PYROXD1: variants seen among roughly 807,000 people sequenced by gnomAD.
PYROXD1 encodes the protein tRNA ligase complex-associated NAD(P)H dehydrogenase PYROXD1.
Under a neutral mutation model 62.0 loss-of-function variants are expected in PYROXD1, and 42 were observed. The ratio of observed to expected loss-of-function variants is 0.68; its 90% confidence interval spans 0.53 to 0.88. The LOEUF (loss-of-function observed/expected upper bound fraction) is 0.88, where lower values mean the gene tolerates loss of function less well. Among genes scored for constraint, PYROXD1 ranks in the 40% least tolerant of loss-of-function variants. The pLI is 0.00. For synonymous variants in PYROXD1, 170 were observed against 206.4 expected, an observed-to-expected ratio of 0.82 and a Z score of 1.51; for missense variants, 493 against 604.8, an observed-to-expected ratio of 0.82 and a Z score of 1.94.
intron 7 of PYROXD1, among the ~76,000 whole-genome samples, chr12:21,460,740 A>G (rs1565553098): frequency 6.6e-6 from 1 of 152,154 alleles, no homozygotes; most frequent in African/African-American, 2.4e-5. Context: ...TGTAATTTTT[A>G]AAAAATGCAT....
intron 10 of PYROXD1, among the ~76,000 whole-genome samples, chr12:21,466,695 C>A (rs1450313174): frequency 6.6e-6 from 1 of 152,246 alleles, no homozygotes; most frequent in East Asian, 1.9e-4. Flanking sequence ...ACTTCCAACA[C>A]TATGTTGAAT....
intron 10 of PYROXD1, among the ~76,000 whole-genome samples, 164 bp downstream of exon 10, chr12:21,463,026 GT>G (rs1212005630): frequency 6.6e-6 from 1 of 152,088 alleles, no homozygotes; most frequent in Non-Finnish European, 1.5e-5. Context: ...ATATTTCCCT[GT>G]TTGGTAAGTT....
Position 21,437,833 on chromosome 12 carries a change from G to A in PYROXD1, c.84+19G>A, listed in dbSNP as rs551250689. On this transcript the variant is annotated intron_variant, in intron 1 of 11. Transcript: ENST00000240651. ...GGAGCAGGTAGGGCGGTGCTCAGGC[G>A]GTTCCGCCTCTTTCCCCGACCCCAA... 3.1e-6 allele frequency: 5 copies of A among 1,606,048 alleles called. No homozygotes were observed. In the South Asian group the frequency reaches 4.5e-5, roughly 14 times the overall value.
At chr12:21,452,534 T>C (rs1942520318) in intron 5 of PYROXD1, among the ~76,000 whole-genome samples, 2 of 152,112 alleles carry the variant, frequency 1.3e-5, no homozygotes, top group South Asian at 4.1e-4. Flanking sequence ...TTTTATTGCT[T>C]ATATGATAAA....
chr12:21,467,303 AGAATT>A (rs1173483858), intron 10 of PYROXD1, 173 bp from the exon 11 acceptor site: 7 of 488,392 alleles, frequency 1.4e-5, no homozygotes, highest in Non-Finnish European at 1.5e-5. Context: ...TAATTTAGAT[AGAATT>A]AACAAATACC....
chr12:21,440,346 T>A, intron 1 of PYROXD1, 22 bp from the exon 2 acceptor site: 1 of 1,449,912 alleles, frequency 6.9e-7, no homozygotes, highest in African/African-American at 1.4e-5. Flanking sequence ...CCTAATTTTT[T>A]TTCTCTCTTT....
chr12:21,450,698 T>C (rs928965919), intron 4 of PYROXD1, among the ~76,000 whole-genome samples: 1 of 152,224 alleles, frequency 6.6e-6, no homozygotes, highest in Non-Finnish European at 1.5e-5. Flanking sequence ...TTAATAATGT[T>C]TTCTTTCAGC....
chr12:21,458,908 A>C (rs1273696182), intron 7 of PYROXD1, among the ~76,000 whole-genome samples: 1 of 152,262 alleles, frequency 6.6e-6, no homozygotes, highest in East Asian at 1.9e-4. Context: ...TGACAGAGAC[A>C]CAAAGTGAGC....
In PYROXD1 at chr12:21,440,315, C is replaced by G. The variant is rs1210381149; in HGVS notation, c.85-53C>G. On this transcript the variant is annotated intron_variant, in intron 1 of 11. Coordinates refer to ENST00000240651, the MANE Select transcript of PYROXD1 (RefSeq NM_024854.5). ...TATTCTCAACCCCAAACCATATATA[C>G]CAGTACTTAAAGTAATTTGTCCTAA... 3.1e-6 allele frequency: 3 copies of G among 979,236 alleles called. No homozygotes were observed. The African/African-American group carries it at 4.9e-5, about 16-fold the overall frequency. 60.7% of individuals were successfully genotyped at this position (979,236 alleles called of 1,614,324 possible). A position where few individuals can be genotyped will look rare whatever the true frequency, so the allele number is the denominator to read the frequency against.
rs1383480337 is a variant in PYROXD1 at position 21,470,405 on chromosome 12, T to C, written c.*1651T>C. ...TTGGTAAAAATCCAGCTATTCAGTT[T>C]TCTCATGAGATTAAATATTTCAAAA... is the stretch of plus-strand genomic sequence containing the variant. On this transcript the variant is annotated 3_prime_UTR_variant, in exon 12 of 12. Coordinates refer to ENST00000240651, the MANE Select transcript of PYROXD1 (RefSeq NM_024854.5). 13 of 1,470,426 alleles carry C rather than the reference T, an allele frequency of 8.8e-6. No homozygotes were observed. Among genetic ancestry groups the C allele is most frequent in the Non-Finnish European group, 1.1e-5 (12 of 1,113,246 alleles). The allele number at this position is 1,470,426 out of a possible 1,614,324, so 91.1% of individuals were successfully genotyped here.
intron 2 of PYROXD1, among the ~76,000 whole-genome samples, chr12:21,443,036 A>G (rs73246585): frequency 0.051 from 7,772 of 152,080 alleles, 228 homozygotes; most frequent in African/African-American, 0.073. Flanking sequence ...TAATGGGGGA[A>G]TGAAGGCTGG....
chr12:21,440,401 T>A lies in PYROXD1; in HGVS notation c.118T>A (p.Leu40Met). 1 of 1,601,320 alleles carries A rather than the reference T, an allele frequency of 6.2e-7. No individual in the cohort carries two copies. The highest frequency in any genetic ancestry group is 2.2e-5 in the East Asian group (1 of 44,506). ...ATHFPSEDIL[L>M]VTASPVIKAV... ...TCACTTTCCATCGGAAGATATTCTC[T>A]TGGTAACAGCTTCTCCTGTTATTAA... The change falls in exon 2 of 12, where the codon TTG becomes ATG. Residue 40 changes from leucine to methionine, a missense_variant. By Grantham distance (15) the Leu-to-Met change is conservative. Coordinates refer to ENST00000240651, the MANE Select transcript of PYROXD1 (RefSeq NM_024854.5).
At chr12:21,448,016 C>T in intron 3 of PYROXD1, 1 of 422,984 alleles carries the variant, frequency 2.4e-6, no homozygotes, top group Non-Finnish European at 4.5e-6. Context: ...CTTTTGATAG[C>T]ACGTGTGAAG....
chr12:21,457,181 A>G (rs886150232), intron 7 of PYROXD1: 1 of 207,374 alleles, frequency 4.8e-6, no homozygotes, highest in African/African-American at 2.4e-5. Context: ...AGAATGGTGA[A>G]TTCTTTCCAG....
At chr12:21,465,678 C>T (rs1482908394) in intron 10 of PYROXD1, among the ~76,000 whole-genome samples, 5 of 151,938 alleles carry the variant, frequency 3.3e-5, no homozygotes, top group Non-Finnish European at 7.4e-5. Flanking sequence ...TAATTAGATC[C>T]CATTTGTTAA....
chr12:21,443,485 G>A (rs2137244027), intron 2 of PYROXD1, among the ~76,000 whole-genome samples: 1 of 152,122 alleles, frequency 6.6e-6, no homozygotes, highest in Middle Eastern at 3.4e-3. Context: ...GAACAGTTGG[G>A]TAATAGTATC....
intron 1 of PYROXD1, 27 bp from the exon 2 acceptor site, chr12:21,440,340 AT>A (rs1415216093): frequency 2.5e-5 from 35 of 1,383,916 alleles, no homozygotes; most frequent in Non-Finnish European, 3.1e-5. Context: ...ATTTGTCCTA[AT>A]TTTTTTTCTC....
chr12:21,454,820 A>C, intron 5 of PYROXD1: 1 of 171,364 alleles, frequency 5.8e-6, no homozygotes, highest in Non-Finnish European at 1.2e-5. Context: ...GGCCATTCAT[A>C]TAATAAGTGT....
chr12:21,461,790 C>A (rs1433283401), intron 8 of PYROXD1, among the ~76,000 whole-genome samples: 2 of 152,096 alleles, frequency 1.3e-5, no homozygotes, highest in African/African-American at 4.8e-5. Context: ...ATTTAAAATG[C>A]CATGGTTTTA....
Sources: allele counts gnomAD v4.1 joint callset (sites outside exome capture counted in the v4.1 genomes callset), GRCh38; gene constraint gnomAD v4.1.1; transcripts MANE v1.5; gene names NCBI Gene and HGNC (gene_info 2026-07-23, HGNC 2026-07-21).